CELF4: variants seen among roughly 807,000 people sequenced by gnomAD.
The protein encoded by CELF4 is CUGBP Elav-like family member 4, also known as CUG-BP- and ETR-3-like factor 4.
CELF4 carries 18 observed loss-of-function variants against 59.9 expected under a neutral mutation model. That is an observed-to-expected ratio of 0.30 (90% CI 0.21 to 0.45). CELF4 has a LOEUF of 0.45. Ranked by LOEUF, CELF4 falls within the 20% of genes least tolerant of loss-of-function variation. The pLI is 1.00. For missense variants in CELF4, 456 were observed against 689.0 expected (o/e 0.66, Z 3.79); for synonymous variants, 261 against 267.1 (o/e 0.98, Z 0.22).
intron 2 of CELF4, among the ~76,000 whole-genome samples, chr18:37,365,780 C>A (rs543011568): frequency 6.6e-6 from 1 of 152,214 alleles, no homozygotes; most frequent in Non-Finnish European, 1.5e-5. Context: ...ACCACCGCAC[C>A]CGGCCTGGGA....
Position 37,264,770 on chromosome 18 carries a change from G to A in CELF4, c.1166-13C>T. On this transcript the variant is annotated splice_polypyrimidine_tract_variant and intron_variant, in intron 9 of 12. Transcript: ENST00000420428. ...GGGTAGGCAGCTGCTGGAGGCCCAA[G>A]ACAAGAAGCAAGAGCCGGCGACAAG... is the stretch of plus-strand genomic sequence containing the variant. The A allele has an allele frequency of 2.6e-6, 4 of 1,563,318 alleles. No individual in the cohort carries two copies. The highest frequency in any genetic ancestry group is 3.5e-6 in the Non-Finnish European group (4 of 1,152,700).
chr18:37,271,028 G>T, intron 7 of CELF4, 111 bp from the exon 8 acceptor site: 2 of 903,500 alleles, frequency 2.2e-6, no homozygotes, highest in Non-Finnish European at 3.3e-6. Context: ...CCTGCGGATA[G>T]ACTTGGACCT....
chr18:37,385,776 GGAGCTCTCTGCTCCACAGTACCTGGCA>G (rs1342963143), intron 2 of CELF4, among the ~76,000 whole-genome samples: 5 of 152,242 alleles, frequency 3.3e-5, no homozygotes, highest in African/African-American at 1.2e-4. Flanking sequence ...CATCTACATG[GGAGCTCTCTGCTCCACAGTACCTGGCA>G]GAGACCCCAC....
At chr18:37,343,785 C>A (rs1478670398) in intron 2 of CELF4, among the ~76,000 whole-genome samples, 1 of 152,050 alleles carries the variant, frequency 6.6e-6, no homozygotes, top group Non-Finnish European at 1.5e-5. Context: ...AATACGTGTG[C>A]AGACAAGTGT....
intron 10 of CELF4, among the ~76,000 whole-genome samples, chr18:37,263,435 G>A (rs1011422142): frequency 2.0e-5 from 3 of 152,048 alleles, no homozygotes; most frequent in African/African-American, 7.2e-5. Flanking sequence ...CAGGATTTTG[G>A]AGGCCATCGG....
chr18:37,329,442 G>C, intron 2 of CELF4, among the ~76,000 whole-genome samples: 1 of 152,218 alleles, frequency 6.6e-6, no homozygotes, highest in East Asian at 1.9e-4. Flanking sequence ...AACCCACAGT[G>C]GACAGGAAAC....
At chr18:37,547,715 G>A (rs1050674271) in intron 1 of CELF4, among the ~76,000 whole-genome samples, 1 of 152,068 alleles carries the variant, frequency 6.6e-6, no homozygotes, top group Non-Finnish European at 1.5e-5. Flanking sequence ...TTCCAAGCTG[G>A]GCCCCTGTCA....
intron 3 of CELF4, among the ~76,000 whole-genome samples, chr18:37,287,277 C>A (rs1367470547): frequency 6.6e-6 from 1 of 152,242 alleles, no homozygotes; most frequent in East Asian, 1.9e-4. Flanking sequence ...GCTCGTCTCT[C>A]CTCAGGCACT....
At chr18:37,320,652 T>C (rs1472175247) in intron 3 of CELF4, among the ~76,000 whole-genome samples, 1 of 152,196 alleles carries the variant, frequency 6.6e-6, no homozygotes, top group East Asian at 1.9e-4. Context: ...AGCCTCCGTT[T>C]GGCCCCCTTC....
At chr18:37,564,971 C>G (rs1223955664) in intron 1 of CELF4, among the ~76,000 whole-genome samples, 2 of 152,134 alleles carry the variant, frequency 1.3e-5, no homozygotes, top group Admixed American at 6.5e-5. Context: ...CCTCGGTCCT[C>G]GGCCGGCCAG....
At chr18:37,301,427 G>C (rs962340019) in intron 3 of CELF4, among the ~76,000 whole-genome samples, 2 of 152,200 alleles carry the variant, frequency 1.3e-5, no homozygotes, top group African/African-American at 4.8e-5. Context: ...ACCCGGCAAA[G>C]ATGGCTGCCT....
chr18:37,253,381 G>A lies in CELF4; in HGVS notation c.*44+386C>T, dbSNP rs1393209773. ...GGGTCTGGGAGCAGGCCCCGCGGGC[G>A]GCTGCAGCTCTTCTGGGTAGAGCCT... On this transcript the variant is annotated intron_variant, in intron 12 of 12. Coordinates refer to ENST00000420428, the MANE Select transcript of CELF4 (RefSeq NM_020180.4). This position sits in a 1 kb window ranked among gnomAD's most constrained non-coding sequence, Gnocchi z 4.5. 1.3e-5 allele frequency among the ~76,000 whole-genome samples: 2 copies of A among 152,174 alleles called. No homozygotes were observed. Among genetic ancestry groups the A allele is most frequent in the Admixed American group, 1.3e-4 (2 of 15,280 alleles).
intron 1 of CELF4, among the ~76,000 whole-genome samples, chr18:37,565,020 C>T (rs1169668747): frequency 6.6e-6 from 1 of 151,968 alleles, no homozygotes; most frequent in Admixed American, 6.6e-5. Context: ...CTGGGCTCGA[C>T]CGGTGCAGCC....
intron 2 of CELF4, among the ~76,000 whole-genome samples, chr18:37,471,044 T>A (rs181100446): frequency 2.4e-3 from 372 of 152,138 alleles, no homozygotes; most frequent in Admixed American, 4.0e-3. Context: ...AATGGAGACT[T>A]TCTCATTCAG....
intron 2 of CELF4, among the ~76,000 whole-genome samples, chr18:37,420,082 C>T (rs1032560876): frequency 4.6e-5 from 7 of 152,146 alleles, no homozygotes; most frequent in African/African-American, 1.7e-4. Flanking sequence ...AAGGGTGGAC[C>T]GAGGCCATCC....
At chr18:37,438,163 G>T (rs2099699437) in intron 2 of CELF4, among the ~76,000 whole-genome samples, 1 of 152,202 alleles carries the variant, frequency 6.6e-6, no homozygotes, top group African/African-American at 2.4e-5. Flanking sequence ...TCAGTCTGTG[G>T]TTTTTGGTAT....
At chr18:37,500,424 T>G (rs2099930243) in intron 1 of CELF4, among the ~76,000 whole-genome samples, 1 of 152,184 alleles carries the variant, frequency 6.6e-6, no homozygotes, top group Non-Finnish European at 1.5e-5. Flanking sequence ...GCCTGCAGCC[T>G]GACCTTAGCA....
Position 37,312,107 on chromosome 18 carries a change from T to C in CELF4, c.448+9696A>G, listed in dbSNP as rs1603446414. Among the ~76,000 whole-genome samples, 3 of 87,138 alleles carry C rather than the reference T, an allele frequency of 3.4e-5. No homozygotes were observed. The South Asian group carries it at 1.2e-3, about 35-fold the overall frequency. The allele number at this position is 87,138 out of a possible 152,430, so 57.2% of individuals were successfully genotyped here. On this transcript the variant is annotated intron_variant, in intron 3 of 12. Transcript: ENST00000420428. ...GCCTGGGCTACAGAGCGAGATTCCG[T>C]CTCAAAAAAAAAAAAAAAAAAAAGA... is the stretch of plus-strand genomic sequence containing the variant.
At chr18:37,349,946 G>A (rs566834471) in intron 2 of CELF4, among the ~76,000 whole-genome samples, 2 of 152,170 alleles carry the variant, frequency 1.3e-5, no homozygotes, top group Admixed American at 6.5e-5. Flanking sequence ...AGAGGCAAGC[G>A]GTGGCCCCTC....
Sources: gnomAD v4.1 joint callset for allele counts (sites outside exome capture counted in the v4.1 genomes callset) on GRCh38, gnomAD v4.1.1 for gene constraint, Gnocchi (gnomAD v3.1) non-coding constraint, MANE v1.5 for transcripts, NCBI Gene and HGNC (gene_info 2026-07-23, HGNC 2026-07-21) for gene names.